The following PDXDC1 variants were observed in gnomAD, a reference collection of about 807,000 sequenced individuals.
PDXDC1 encodes the protein pyridoxal dependent decarboxylase domain containing 1, also known as pyridoxal-dependent decarboxylase domain-containing protein 1.
Under a neutral mutation model 100.1 loss-of-function variants are expected in PDXDC1, and 42 were observed. The ratio of observed to expected loss-of-function variants is 0.42; its 90% CI spans 0.33 to 0.54. The LOEUF (loss-of-function observed/expected upper bound fraction) is 0.54. PDXDC1 is among the 20% of genes least tolerant of loss of function. The probability of loss-of-function intolerance (pLI) is 0.10; values close to 1 mark genes in which losing one functional copy is unlikely to be tolerated. For synonymous variants in PDXDC1, 260 were observed against 371.7 expected, an observed-to-expected ratio of 0.70 and a Z score of 3.46; for missense variants, 636 against 979.2, an observed-to-expected ratio of 0.65 and a Z score of 4.68.
At chr16:15,130,803 C>A (rs752063445) in intron 16 of PDXDC1, 134 of 939,290 alleles carry the variant, frequency 1.4e-4, no homozygotes, top group East Asian at 1.5e-4. Context: ...TGGGGCAGAA[C>A]GCGCAGGTCA....
chr16:15,034,231 C>T, intron 19 of PDXDC1, 55 bp from the exon 20 acceptor site: 1 of 1,503,818 alleles, frequency 6.6e-7, no homozygotes, highest in South Asian at 1.1e-5. Context: ...ACTAGCTCTT[C>T]TGGGCCCCAG....
At chr16:15,008,687 A>C (rs1315573381) in intron 6 of PDXDC1, 92 bp from the exon 7 acceptor site, 24 of 1,169,562 alleles carry the variant, frequency 2.1e-5, no homozygotes, top group Non-Finnish European at 1.7e-5. Context: ...TTAGAAGAAT[A>C]ATCGTGTCTT....
At chr16:15,081,086 A>G (rs919962168) in intron 16 of PDXDC1, among the ~76,000 whole-genome samples, 1 of 152,200 alleles carries the variant, frequency 6.6e-6, no homozygotes, top group Admixed American at 6.5e-5. Flanking sequence ...GCTGAGTAAT[A>G]TTCCATTGTA....
At chr16:15,010,093 C>T (rs1315117672) in intron 8 of PDXDC1, among the ~76,000 whole-genome samples, 1 of 152,284 alleles carries the variant, frequency 6.6e-6, no homozygotes, top group East Asian at 1.9e-4. Flanking sequence ...GTTGCCCAGG[C>T]TGGAGTGCAG....
At chr16:15,038,423 T>A, downstream of PDXDC1, 1 of 625,832 alleles carries the variant, frequency 1.6e-6, no homozygotes, top group Non-Finnish European at 2.8e-6. Context: ...CCATTTGATA[T>A]ACAAGTTAAA....
chr16:15,125,449 T>C (rs1327336634), intron 16 of PDXDC1: 6 of 878,938 alleles, frequency 6.8e-6, no homozygotes, highest in Admixed American at 5.1e-5. Flanking sequence ...TGTGACCACA[T>C]GGAGCCACAG....
At chr16:15,093,959 G>A (rs1465638351) in intron 16 of PDXDC1, 2 of 623,476 alleles carry the variant, frequency 3.2e-6, no homozygotes, top group African/African-American at 1.9e-5. Flanking sequence ...CACTTTTCCA[G>A]GCCCCACCCA....
At chr16:15,131,074 C>T (rs756490510) in intron 16 of PDXDC1, 2 of 1,602,984 alleles carry the variant, frequency 1.2e-6, no homozygotes, top group South Asian at 1.1e-5. Context: ...TGTGCCTCAC[C>T]CGCTGCACGC....
chr16:15,034,611 C>T, intron 21 of PDXDC1, 58 bp downstream of exon 21: 1 of 1,238,496 alleles, frequency 8.1e-7, no homozygotes, highest in Non-Finnish European at 1.2e-6. Context: ...TCACCAAATG[C>T]CCTTGGGTCC....
intron 16 of PDXDC1, chr16:15,044,273 AAGCAAAT>A: frequency 8.3e-7 from 1 of 1,199,472 alleles, no homozygotes; most frequent in East Asian, 2.4e-5. Flanking sequence ...TTTTTAACCC[AAGCAAAT>A]ATGGGTACAT....
In PDXDC1 at chr16:15,036,342, GT is replaced by G. The variant is rs1257352448; in HGVS notation, c.*68del. On this transcript the variant is annotated 3_prime_UTR_variant, in exon 23 of 23. Transcript: ENST00000396410. ...GGGAAGATGAAGTTCTATTGGAAATGTGAACTGTGCCACATACTAATATAAA... is the reference window on the plus strand; with the variant it reads ...GGGAAGATGAAGTTCTATTGGAAATGGAACTGTGCCACATACTAATATAAA... The G allele has an allele frequency of 1.1e-5, 15 of 1,391,580 alleles. No individual in the cohort carries two copies. In the East Asian group the frequency reaches 1.4e-4, roughly 13 times the overall value. 86.2% of individuals were successfully genotyped at this position (1,391,580 alleles called of 1,614,324 possible).
Position 15,104,595 on chromosome 16 carries a change from C to T in PDXDC1, c.1400-34284C>T, listed in dbSNP as rs1300652275. ...TGAGGGTGGAAGGGGATAGAGCAGA[C>T]ACTCCGCAGGTGTCTTGAGGCTCAG... On this transcript the variant is annotated intron_variant, in intron 16 of 16. Transcript: ENST00000535621. 3.8e-6 allele frequency: 6 copies of T among 1,599,458 alleles called. No homozygotes were observed. In the African/African-American group the frequency reaches 4.0e-5, roughly 11 times the overall value.
intron 1 of PDXDC1, among the ~76,000 whole-genome samples, chr16:14,985,481 G>T (rs1476738062): frequency 6.6e-6 from 1 of 151,996 alleles, no homozygotes; most frequent in Admixed American, 6.6e-5. Flanking sequence ...TAGAGACGGG[G>T]TTTCTACTGT....
At chr16:15,122,214 A>T in intron 16 of PDXDC1, among the ~76,000 whole-genome samples, 1 of 151,540 alleles carries the variant, frequency 6.6e-6, no homozygotes, top group Admixed American at 6.6e-5. Flanking sequence ...ACACAAATCA[A>T]ATGACATTTC....
At chr16:15,143,821 G>A (rs1477094504), downstream of PDXDC1, among the ~76,000 whole-genome samples, 3 of 152,204 alleles carry the variant, frequency 2.0e-5, no homozygotes, top group Non-Finnish European at 2.9e-5. Flanking sequence ...TGCCCCAGGC[G>A]CCCATTTCCC....
Position 15,133,131 on chromosome 16 carries a change from G to A in PDXDC1, c.1400-5748G>A, listed in dbSNP as rs1315723196. ...GCTGCTGGGAGCGGAACGTCGGGGT[G>A]CTGCTTCAGGGTCACTGGGATTTAT... is the stretch of plus-strand genomic sequence containing the variant. On this transcript the variant is annotated intron_variant, in intron 16 of 16. Transcript: ENST00000535621. 23 of 677,942 alleles carry A rather than the reference G, an allele frequency of 3.4e-5. No homozygotes were observed. In the East Asian group the frequency reaches 4.9e-4, roughly 14 times the overall value. The allele number at this position is 677,942 out of a possible 1,614,324, so 42.0% of individuals were successfully genotyped here.
the PDXDC1 span, among the ~76,000 whole-genome samples, chr16:15,147,374 C>T: frequency 2.6e-5 from 4 of 152,224 alleles, no homozygotes; most frequent in Admixed American, 1.3e-4. Context: ...ATCATCACCA[C>T]GGCTTCTCAG....
At chr16:15,085,043 G>A (rs912029541) in intron 16 of PDXDC1, among the ~76,000 whole-genome samples, 1 of 151,926 alleles carries the variant, frequency 6.6e-6, no homozygotes, top group Admixed American at 6.6e-5. Context: ...TCCAGCCTGG[G>A]CAACAGAGCG....
chr16:15,110,214 C>A (rs2151869295), intron 16 of PDXDC1, among the ~76,000 whole-genome samples: 1 of 148,864 alleles, frequency 6.7e-6, no homozygotes, highest in South Asian at 2.2e-4. Flanking sequence ...TCCTCTTCCC[C>A]TGAAAAAATG....
Sources: allele counts gnomAD v4.1 joint callset (sites outside exome capture counted in the v4.1 genomes callset), GRCh38; gene constraint gnomAD v4.1.1; transcripts MANE v1.5; gene names NCBI Gene and HGNC (gene_info 2026-07-23, HGNC 2026-07-21).